ADAM23: variants seen among roughly 807,000 people sequenced by gnomAD.
ADAM23 encodes the protein disintegrin and metalloproteinase domain-containing protein 23.
Under a neutral mutation model 120.1 loss-of-function variants are expected in ADAM23, and 33 were observed. That is an observed-to-expected ratio of 0.27 (90% CI 0.21 to 0.37). The LOEUF (loss-of-function observed/expected upper bound fraction) is 0.37, where lower values mean the gene tolerates loss of function less well. ADAM23 is among the 10% of genes least tolerant of loss of function. The probability of loss-of-function intolerance (pLI) is 1.00; values close to 1 mark genes in which losing one functional copy is unlikely to be tolerated. For missense variants in ADAM23, 862 were observed against 1,058.2 expected, an observed-to-expected ratio of 0.81 and a Z score of 2.57; for synonymous variants, 367 against 375.2, an observed-to-expected ratio of 0.98 and a Z score of 0.25.
In ADAM23 at chr2:206,619,540, A is replaced by G. The variant is rs1303417854; in HGVS notation, c.*1913A>G. The G allele has an allele frequency of 2.0e-5, 3 of 150,944 alleles. No homozygotes were observed. 9.4% of individuals were successfully genotyped at this position (150,944 alleles called of 1,614,324 possible). A position where few individuals can be genotyped will look rare whatever the true frequency, so the allele number is the denominator to read the frequency against. On this transcript the variant is annotated 3_prime_UTR_variant, in exon 26 of 26. Coordinates refer to ENST00000264377, the MANE Select transcript of ADAM23 (RefSeq NM_003812.4). The stretch of plus-strand genomic sequence containing the variant: ...CCCCTTTTTTTTTTAGGAAAAGAAC[A>G]TGCAGTTTTACTCATCACTTCTTCA...
chr2:206,446,274 C>G (rs1695080366), intron 2 of ADAM23, among the ~76,000 whole-genome samples: 2 of 152,076 alleles, frequency 1.3e-5, no homozygotes, highest in Admixed American at 1.3e-4. Flanking sequence ...GATCTTTTTC[C>G]CTGTGTTACT....
At chr2:206,526,167 CACACACACACACAG>C (rs1331868196) in intron 3 of ADAM23, among the ~76,000 whole-genome samples, 2 of 151,458 alleles carry the variant, frequency 1.3e-5, no homozygotes, top group East Asian at 1.9e-4. Context: ...CACACACACA[CACACACACACACAG>C]ACACACACAG....
At chr2:206,548,870 A>G (rs770991031) in intron 8 of ADAM23, among the ~76,000 whole-genome samples, 3 of 152,198 alleles carry the variant, frequency 2.0e-5, no homozygotes, top group Non-Finnish European at 4.4e-5. Flanking sequence ...TTTGACTATT[A>G]GCAATATAAC....
At chr2:206,475,414 C>G (rs1042832267) in intron 2 of ADAM23, among the ~76,000 whole-genome samples, 1 of 152,062 alleles carries the variant, frequency 6.6e-6, no homozygotes, top group Admixed American at 6.6e-5. Context: ...TCATGTTTCT[C>G]TAGCTACAGG....
intron 13 of ADAM23, among the ~76,000 whole-genome samples, chr2:206,563,572 T>G (rs576568628): frequency 4.0e-4 from 61 of 152,216 alleles, no homozygotes; most frequent in African/African-American, 1.4e-3. Flanking sequence ...CAGAAAGGTG[T>G]ATGACCAGGT....
At chr2:206,604,865 A>G (rs890942045) in intron 24 of ADAM23, among the ~76,000 whole-genome samples, 1 of 152,212 alleles carries the variant, frequency 6.6e-6, no homozygotes, top group African/African-American at 2.4e-5. Context: ...TGGGAAAGGT[A>G]ATTTGAAGCC....
chr2:206,560,773 C>T (rs1418668682), intron 11 of ADAM23, among the ~76,000 whole-genome samples: 1 of 152,140 alleles, frequency 6.6e-6, no homozygotes, highest in Non-Finnish European at 1.5e-5. Context: ...CCTGTTTTTT[C>T]AGTCTTTAAT....
chr2:206,491,642 A>G (rs553142555), intron 3 of ADAM23, among the ~76,000 whole-genome samples: 4 of 152,342 alleles, frequency 2.6e-5, no homozygotes, highest in African/African-American at 9.6e-5. Flanking sequence ...AAAAATTGAA[A>G]AGCACAGAGA....
intron 9 of ADAM23, among the ~76,000 whole-genome samples, chr2:206,551,083 T>C (rs1269906610): frequency 6.6e-6 from 1 of 152,224 alleles, no homozygotes; most frequent in African/African-American, 2.4e-5. Flanking sequence ...ACCGTTTCCT[T>C]TATAAAATTA....
chr2:206,496,807 T>C (rs1696260673), intron 3 of ADAM23, among the ~76,000 whole-genome samples: 1 of 151,918 alleles, frequency 6.6e-6, no homozygotes, highest in Admixed American at 6.6e-5. Flanking sequence ...CAATAAAAAA[T>C]GACAAAGGGG....
At chr2:206,481,688 A>G (rs1197255868) in intron 3 of ADAM23, among the ~76,000 whole-genome samples, 1 of 152,244 alleles carries the variant, frequency 6.6e-6, no homozygotes, top group Non-Finnish European at 1.5e-5. Flanking sequence ...TGCAATTCGC[A>G]TGACTTCTGT....
At chr2:206,507,087 G>A (rs912570365) in intron 3 of ADAM23, among the ~76,000 whole-genome samples, 2 of 152,132 alleles carry the variant, frequency 1.3e-5, no homozygotes, top group East Asian at 3.8e-4. Flanking sequence ...CATTCACATA[G>A]TGAGATATAA....
At chr2:206,521,453 A>G (rs934598984) in intron 3 of ADAM23, among the ~76,000 whole-genome samples, 1 of 152,128 alleles carries the variant, frequency 6.6e-6, no homozygotes, top group African/African-American at 2.4e-5. Context: ...TTAAAAATAT[A>G]GCTTGTATTG....
chr2:206,465,888 C>CT (rs1695533301), intron 2 of ADAM23, among the ~76,000 whole-genome samples: 1 of 152,068 alleles, frequency 6.6e-6, no homozygotes, highest in Non-Finnish European at 1.5e-5. Flanking sequence ...ACAATATAAA[C>CT]TTTAATTATG....
At chr2:206,594,703 G>A (rs749452079) in intron 22 of ADAM23, 34 bp from the exon 23 acceptor site, 1 of 1,612,192 alleles carries the variant, frequency 6.2e-7, no homozygotes, top group Admixed American at 1.7e-5. Context: ...TAAGTGTGGT[G>A]CAAATAGTTA....
chr2:206,596,307 C>A, intron 24 of ADAM23, 145 bp downstream of exon 24: 2 of 579,632 alleles, frequency 3.5e-6, no homozygotes, highest in South Asian at 2.9e-5. Context: ...TATGTTACTG[C>A]CAAATTAAGG....
intron 18 of ADAM23, among the ~76,000 whole-genome samples, chr2:206,584,723 C>A (rs191137241): frequency 6.6e-6 from 1 of 152,190 alleles, no homozygotes; most frequent in Non-Finnish European, 1.5e-5. Flanking sequence ...TCTGCACACC[C>A]GATTGGTGCC....
chr2:206,485,507 C>CA (rs1695992790), intron 3 of ADAM23, among the ~76,000 whole-genome samples: 1 of 152,202 alleles, frequency 6.6e-6, no homozygotes, highest in African/African-American at 2.4e-5. Flanking sequence ...ATAGAATCTT[C>CA]AGAGTTGGTG....
chr2:206,561,309 C>A, intron 12 of ADAM23, 97 bp downstream of exon 12: 1 of 1,051,056 alleles, frequency 9.5e-7, no homozygotes, highest in Non-Finnish European at 1.5e-6. Context: ...AGAATGATGA[C>A]ATGGCAAATG....
Sources: allele counts gnomAD v4.1 joint callset (sites outside exome capture counted in the v4.1 genomes callset), GRCh38; gene constraint gnomAD v4.1.1; transcripts MANE v1.5; gene names NCBI Gene and HGNC (gene_info 2026-07-23, HGNC 2026-07-21).